The following LDAF1 variants were observed in gnomAD, a reference collection of about 807,000 sequenced individuals.
LDAF1 encodes lipid droplet assembly factor 1.
LDAF1 carries 7 observed loss-of-function variants against 13.5 expected under a neutral mutation model. That is an observed-to-expected ratio of 0.52 (90% CI 0.29 to 0.97). LDAF1 has a LOEUF of 0.97. LDAF1 is among the 50% of genes least tolerant of loss of function. The probability of loss-of-function intolerance (pLI) is 0.07; values close to 1 mark genes in which losing one functional copy is unlikely to be tolerated. For missense variants in LDAF1, 148 were observed against 193.2 expected (o/e 0.77, Z 1.39); for synonymous variants, 69 against 77.1 (o/e 0.89, Z 0.55).
intron 2 of LDAF1, among the ~76,000 whole-genome samples, chr16:21,163,672 C>G (rs1481978996): frequency 6.6e-6 from 1 of 152,118 alleles, no homozygotes; most frequent in East Asian, 1.9e-4. Context: ...ACAAAAAGCA[C>G]TGCCAGTATT....
chr16:21,168,661 T>G (rs1236604550), intron 2 of LDAF1, among the ~76,000 whole-genome samples: 1 of 139,676 alleles, frequency 7.2e-6, no homozygotes, highest in Non-Finnish European at 1.5e-5. Context: ...TATACAATAT[T>G]ATAATTATGA....
chr16:21,172,585 C>T (rs930689062), intron 3 of LDAF1: 1 of 152,214 alleles, frequency 6.6e-6, no homozygotes, highest in African/African-American at 2.4e-5. Context: ...TATGATCATG[C>T]CACTGCACTC....
chr16:21,166,661 C>T (rs2152844140), intron 2 of LDAF1, among the ~76,000 whole-genome samples: 1 of 152,332 alleles, frequency 6.6e-6, no homozygotes, highest in Admixed American at 6.5e-5. Context: ...CTGGAGAGCC[C>T]ATCTGCTCTC....
At chr16:21,160,054 TAA>T in intron 1 of LDAF1, 1 of 745,408 alleles carries the variant, frequency 1.3e-6, no homozygotes, top group Non-Finnish European at 1.6e-6. Flanking sequence ...AAATGTGCTT[TAA>T]TTTGCATACT....
intron 2 of LDAF1, chr16:21,166,791 A>C: frequency 2.0e-6 from 3 of 1,502,846 alleles, no homozygotes; most frequent in Non-Finnish European, 2.7e-6. Context: ...ACCAGCCCAC[A>C]TTCTGTGTGG....
At chr16:21,159,235 A>G in intron 1 of LDAF1, 1 of 1,158,696 alleles carries the variant, frequency 8.6e-7, no homozygotes, top group African/African-American at 1.5e-5. Context: ...GGGCTTCTTT[A>G]CCCCCAAATT....
intron 1 of LDAF1, chr16:21,159,502 C>T: frequency 6.5e-7 from 1 of 1,527,136 alleles, no homozygotes; most frequent in Non-Finnish European, 9.0e-7. Flanking sequence ...CCGTTTTCCC[C>T]TGGAGGTTCG....
chr16:21,174,451 C>T (rs1380365439), intron 4 of LDAF1, among the ~76,000 whole-genome samples: 1 of 152,186 alleles, frequency 6.6e-6, no homozygotes, highest in Non-Finnish European at 1.5e-5. Flanking sequence ...CCTGCCTCCA[C>T]CTCCCAAAGT....
chr16:21,168,726 ATAT>A (rs935212232), intron 2 of LDAF1, among the ~76,000 whole-genome samples: 29 of 133,670 alleles, frequency 2.2e-4, no homozygotes, highest in Non-Finnish European at 3.7e-4. Context: ...TATATTTTTA[ATAT>A]TATATTATAT....
In LDAF1 at chr16:21,167,696, G is replaced by GTTTTTTTT. The variant is rs778992036; in HGVS notation, c.97-2735_97-2728dup. ...ATTCTGAGTCCAAGACCTTAGGTTT[G>GTTTTTTTT]TTTTTTTTTTTTTGAAAAGGAGACT... On this transcript the variant is annotated intron_variant, in intron 2 of 4. Coordinates refer to ENST00000233047, the MANE Select transcript of LDAF1 (RefSeq NM_001301771.2). Among the ~76,000 whole-genome samples the GTTTTTTTT allele has an allele frequency of 2.4e-4, 21 of 89,100 alleles. 2 individuals carry two copies. The highest frequency in any genetic ancestry group is 5.3e-4 in the African/African-American group (12 of 22,594). The allele number at this position is 89,100 out of a possible 152,430, so 58.5% of individuals were successfully genotyped here.
intron 2 of LDAF1, among the ~76,000 whole-genome samples, chr16:21,168,248 C>A (rs958761253): frequency 6.6e-6 from 1 of 151,396 alleles, no homozygotes; most frequent in African/African-American, 2.4e-5. Context: ...CTCCTGACCT[C>A]AGGTGACCCG....
intron 2 of LDAF1, 138 bp downstream of exon 2, chr16:21,161,416 T>C: frequency 9.5e-7 from 1 of 1,054,550 alleles, no homozygotes; most frequent in South Asian, 1.7e-5. Context: ...CCCTGCCATG[T>C]CTATGCTGTG....
At chr16:21,175,305 G>T (rs2093129282) in intron 4 of LDAF1, among the ~76,000 whole-genome samples, 1 of 152,106 alleles carries the variant, frequency 6.6e-6, no homozygotes, top group Admixed American at 6.6e-5. Context: ...TAACAATTTA[G>T]CCCCTTTCTA....
intron 2 of LDAF1, among the ~76,000 whole-genome samples, chr16:21,161,767 C>G (rs1369211027): frequency 6.6e-6 from 1 of 152,110 alleles, no homozygotes; most frequent in African/African-American, 2.4e-5. Flanking sequence ...TTCATTGTTC[C>G]ACTAGGAATC....
rs138423091 is a variant in LDAF1, at chr16:21,179,469, C to T, written c.405-6C>T. 6.3e-5 allele frequency: 102 copies of T among 1,614,044 alleles called. No individual in the cohort carries two copies. In the African/African-American group the frequency reaches 1.1e-3, roughly 17 times the overall value. On this transcript the variant is annotated splice_polypyrimidine_tract_variant and splice_region_variant and intron_variant, in intron 4 of 4. Coordinates refer to ENST00000233047, the MANE Select transcript of LDAF1 (RefSeq NM_001301771.2). ...GAGCTAACGATCTCTTCTTGTTATC[C>T]GACAGGCCACTGACACAGCAAAACA...
chr16:21,163,070 TAAAC>T (rs931801108), intron 2 of LDAF1, among the ~76,000 whole-genome samples: 18 of 152,198 alleles, frequency 1.2e-4, no homozygotes, highest in Admixed American at 6.5e-4. Context: ...ACTCATGTCT[TAAAC>T]AAAGCTAATC....
chr16:21,166,915 A>C, intron 2 of LDAF1: 1 of 1,535,552 alleles, frequency 6.5e-7, no homozygotes. Context: ...CTCCAAGGTG[A>C]TTCCTGCTAC....
chr16:21,176,876 G>C (rs1428220514), intron 4 of LDAF1, among the ~76,000 whole-genome samples: 1 of 150,540 alleles, frequency 6.6e-6, no homozygotes, highest in African/African-American at 2.4e-5. Context: ...CTCCAGCCTG[G>C]GTGACAGAGC....
intron 1 of LDAF1, chr16:21,159,432 T>C: frequency 6.2e-7 from 1 of 1,613,918 alleles, no homozygotes; most frequent in Non-Finnish European, 8.5e-7. Context: ...AGGCGCCCTG[T>C]AGCTCCCATC....
Sources: allele counts gnomAD v4.1 joint callset (sites outside exome capture counted in the v4.1 genomes callset), GRCh38; gene constraint gnomAD v4.1.1; transcripts MANE v1.5; gene names NCBI Gene and HGNC (gene_info 2026-07-23, HGNC 2026-07-21).